KCNN2: variants seen among roughly 807,000 people sequenced by gnomAD.
KCNN2 encodes the protein potassium calcium-activated channel subfamily N member 2, also known as small conductance calcium-activated potassium channel protein 2.
Under a neutral mutation model 55.5 loss-of-function variants are expected in KCNN2, and 24 were observed. The ratio of observed to expected loss-of-function variants is 0.43; its 90% CI spans 0.31 to 0.61. KCNN2 has a LOEUF of 0.61. KCNN2 is among the 20% of genes least tolerant of loss of function. The pLI, the probability that KCNN2 is intolerant of heterozygous loss-of-function variation, is 0.08. For missense variants in KCNN2, 754 were observed against 853.6 expected (o/e 0.88, Z 1.45); for synonymous variants, 431 against 336.1 (o/e 1.28, Z -3.09).
At chr5:114,271,920 C>T (rs1163634051) in intron 2 of KCNN2, among the ~76,000 whole-genome samples, 1 of 152,074 alleles carries the variant, frequency 6.6e-6, no homozygotes, top group Non-Finnish European at 1.5e-5. Flanking sequence ...TAGGGAGGAA[C>T]TATTGTGCTA....
Position 114,428,058 on chromosome 5 carries a change from A to C in KCNN2, c.1637+23202A>C, listed in dbSNP as rs1759681081. On this transcript the variant is annotated intron_variant, in intron 3 of 7. Coordinates refer to ENST00000673685, the MANE Select transcript of KCNN2 (RefSeq NM_021614.4). ...CGGGCCTGTTCTGTCTGAAGTTAAG[A>C]GTAAGCTGTACTCATTTCATTTCAT... Among the ~76,000 whole-genome samples, 4 of 152,232 alleles carry C rather than the reference A, an allele frequency of 2.6e-5. No individual in the cohort carries two copies. In the South Asian group the frequency reaches 8.3e-4, roughly 31 times the overall value.
intron 1 of KCNN2, among the ~76,000 whole-genome samples, chr5:114,121,271 G>A (rs575258395): frequency 6.6e-6 from 1 of 152,076 alleles, no homozygotes; most frequent in African/African-American, 2.4e-5. Flanking sequence ...GGTTTCAAAG[G>A]GTATCTTGGT....
At chr5:114,318,837 A>G (rs373928468) in intron 2 of KCNN2, among the ~76,000 whole-genome samples, 36 of 152,180 alleles carry the variant, frequency 2.4e-4, no homozygotes, top group South Asian at 4.1e-4. Context: ...TGTTTCCTAT[A>G]TAAGCATGTA....
intron 2 of KCNN2, chr5:114,253,423 C>G (rs1303786284): frequency 6.6e-6 from 1 of 152,156 alleles, no homozygotes; most frequent in Non-Finnish European, 1.5e-5. Context: ...TGTCTGGACT[C>G]ACGTAAAGTT....
At chr5:114,437,148 G>T (rs1004481068) in intron 3 of KCNN2, among the ~76,000 whole-genome samples, 2 of 152,092 alleles carry the variant, frequency 1.3e-5, no homozygotes, top group Non-Finnish European at 2.9e-5. Context: ...ATCAAGAAGA[G>T]AAATTGGCAC....
chr5:114,194,333 C>T (rs926894521), intron 1 of KCNN2, among the ~76,000 whole-genome samples: 7 of 152,058 alleles, frequency 4.6e-5, no homozygotes, highest in Non-Finnish European at 7.4e-5. Context: ...TATAAAGTTT[C>T]CAATTTCTCC....
At chr5:114,299,849 C>G (rs1053680822) in intron 2 of KCNN2, among the ~76,000 whole-genome samples, 23 of 152,168 alleles carry the variant, frequency 1.5e-4, no homozygotes, top group African/African-American at 5.1e-4. Context: ...ATCTCCAGGT[C>G]TATCTACCCA....
At chr5:114,056,142 G>A (rs1305044386) in exon 1 of KCNN2, 1 of 386,320 alleles carries the variant, frequency 2.6e-6, no homozygotes. Flanking sequence ...AGCCAGGTGG[G>A]AGCTGGGCGC....
At chr5:114,392,871 TTTG>T (rs543529970) in intron 2 of KCNN2, among the ~76,000 whole-genome samples, 206 of 151,754 alleles carry the variant, frequency 1.4e-3, no homozygotes, top group Non-Finnish European at 2.5e-3. Flanking sequence ...AGGCTTTTTT[TTTG>T]TTTTTTGTTT....
At chr5:114,168,172 T>A (rs914361188) in intron 1 of KCNN2, among the ~76,000 whole-genome samples, 1 of 127,152 alleles carries the variant, frequency 7.9e-6, no homozygotes, top group African/African-American at 2.8e-5. Flanking sequence ...TGTGGATATA[T>A]ATACACACAC....
chr5:114,420,280 C>A (rs774302146), intron 3 of KCNN2, among the ~76,000 whole-genome samples: 18 of 152,238 alleles, frequency 1.2e-4, no homozygotes, highest in South Asian at 4.1e-4. Flanking sequence ...CAATATCTCT[C>A]TCTGCAAGCA....
At chr5:114,289,299 A>G (rs565354445) in intron 2 of KCNN2, among the ~76,000 whole-genome samples, 3 of 151,952 alleles carry the variant, frequency 2.0e-5, no homozygotes, top group South Asian at 2.1e-4. Flanking sequence ...TTCTTTTTCA[A>G]GATCATTTTG....
At chr5:114,488,055 T>C (rs1247153267) in intron 6 of KCNN2, among the ~76,000 whole-genome samples, 1 of 152,200 alleles carries the variant, frequency 6.6e-6, no homozygotes, top group Non-Finnish European at 1.5e-5. Context: ...AATTTTTATT[T>C]TGCATGTTCA....
intron 1 of KCNN2, among the ~76,000 whole-genome samples, chr5:114,068,618 A>G (rs1369181856): frequency 6.6e-6 from 1 of 152,168 alleles, no homozygotes; most frequent in Non-Finnish European, 1.5e-5. Flanking sequence ...ACCTGCTCCT[A>G]TCTCTGCTGC....
chr5:114,283,038 T>A (rs1755653535), intron 2 of KCNN2, among the ~76,000 whole-genome samples: 1 of 152,200 alleles, frequency 6.6e-6, no homozygotes, highest in Non-Finnish European at 1.5e-5. Flanking sequence ...GTGAATTTGT[T>A]TTTATTCATT....
chr5:114,291,138 T>C (rs1242915983), intron 2 of KCNN2, among the ~76,000 whole-genome samples: 2 of 152,054 alleles, frequency 1.3e-5, no homozygotes, highest in Non-Finnish European at 2.9e-5. Flanking sequence ...GAAATATAGT[T>C]ATTAAAATAT....
At chr5:114,419,628 G>A (rs1408993655) in intron 3 of KCNN2, among the ~76,000 whole-genome samples, 4 of 152,176 alleles carry the variant, frequency 2.6e-5, no homozygotes, top group Non-Finnish European at 4.4e-5. Context: ...ACCATACTCA[G>A]TAACCTAAGT....
chr5:114,114,750 T>C (rs1751677991), intron 1 of KCNN2, among the ~76,000 whole-genome samples: 1 of 152,138 alleles, frequency 6.6e-6, no homozygotes, highest in Non-Finnish European at 1.5e-5. Flanking sequence ...CTAATCAGCA[T>C]TCACTGAGTG....
At chr5:114,306,787 G>T (rs1303118147) in intron 2 of KCNN2, among the ~76,000 whole-genome samples, 1 of 144,880 alleles carries the variant, frequency 6.9e-6, no homozygotes, top group Non-Finnish European at 1.5e-5. Flanking sequence ...TGCAACTTCC[G>T]CCTCCCAGAT....
Sources: allele counts gnomAD v4.1 joint callset (sites outside exome capture counted in the v4.1 genomes callset), GRCh38; gene constraint gnomAD v4.1.1; transcripts MANE v1.5; gene names NCBI Gene and HGNC (gene_info 2026-07-23, HGNC 2026-07-21).